SMC2: variants seen among roughly 807,000 people sequenced by gnomAD.
The protein encoded by SMC2 is structural maintenance of chromosomes 2, also known as structural maintenance of chromosomes protein 2.
In SMC2, 41 loss-of-function variants were observed where a neutral mutation model predicts 142.6. The ratio of observed to expected loss-of-function variants is 0.29; its 90% CI spans 0.22 to 0.37. SMC2 has a LOEUF of 0.37. Among genes scored for constraint, SMC2 ranks in the 10% least tolerant of loss-of-function variants. The pLI is 1.00. For missense variants in SMC2, 1,265 were observed against 1,373.7 expected, an observed-to-expected ratio of 0.92 and a Z score of 1.25; for synonymous variants, 463 against 457.5, an observed-to-expected ratio of 1.01 and a Z score of -0.15.
chr9:104,123,075 C>G (rs1379787122), intron 16 of SMC2, 33 bp from the exon 17 acceptor site: 32 of 1,578,058 alleles, frequency 2.0e-5, no homozygotes, highest in Non-Finnish European at 2.3e-5. Context: ...AGAAAAATGA[C>G]AGTCATTTCT....
At chr9:104,103,229 G>T (rs976725502) in intron 9 of SMC2, among the ~76,000 whole-genome samples, 1 of 152,048 alleles carries the variant, frequency 6.6e-6, no homozygotes, top group African/African-American at 2.4e-5. Flanking sequence ...CCAGTAAATT[G>T]TCCTGGAGTC....
intron 1 of SMC2, 128 bp downstream of exon 1, chr9:104,094,605 G>T (rs1043761889): frequency 5.3e-6 from 2 of 379,372 alleles, no homozygotes; most frequent in East Asian, 7.4e-5. Context: ...GGGACCTTAG[G>T]TGATCCTTAG....
At chr9:104,102,266 A>G in intron 8 of SMC2, 73 bp downstream of exon 8, 2 of 1,071,764 alleles carry the variant, frequency 1.9e-6, no homozygotes, top group Non-Finnish European at 1.3e-6. Flanking sequence ...GTAACTATTT[A>G]GGATTCATTG....
At chr9:104,127,181 A>G in intron 19 of SMC2, 105 bp from the exon 20 acceptor site, 3 of 815,898 alleles carry the variant, frequency 3.7e-6, no homozygotes, top group Middle Eastern at 7.5e-4. Flanking sequence ...TCTGCCTGTA[A>G]TCACATTGCC....
At chr9:104,100,258 G>C in intron 6 of SMC2, 55 bp downstream of exon 6, 4 of 1,428,064 alleles carry the variant, frequency 2.8e-6, no homozygotes, top group Non-Finnish European at 9.5e-7. Flanking sequence ...TGCATGTAGA[G>C]TTTTTGCTGT....
At chr9:104,115,373 G>A (rs555385805) in intron 13 of SMC2, among the ~76,000 whole-genome samples, 3 of 151,928 alleles carry the variant, frequency 2.0e-5, no homozygotes, top group Middle Eastern at 3.4e-3. Flanking sequence ...CCAGGAGCTC[G>A]AGACCAGCCT....
chr9:104,118,551 C>T (rs1833383383), intron 15 of SMC2, among the ~76,000 whole-genome samples, 176 bp downstream of exon 15: 1 of 152,104 alleles, frequency 6.6e-6, no homozygotes, highest in Non-Finnish European at 1.5e-5. Context: ...ATTAAACCTG[C>T]CCTTGAAATG....
upstream of SMC2, chr9:104,092,129 G>C (rs1034338498): frequency 2.6e-5 from 4 of 152,138 alleles, no homozygotes; most frequent in Non-Finnish European, 5.9e-5. Context: ...TTAGTCATCA[G>C]TGATTTCCTC....
intron 9 of SMC2, among the ~76,000 whole-genome samples, chr9:104,108,867 C>T (rs1403109401): frequency 2.0e-5 from 3 of 152,180 alleles, no homozygotes; most frequent in African/African-American, 7.2e-5. Flanking sequence ...GCAGCTTGCC[C>T]TGGGTTTATA....
At chr9:104,092,423 T>A (rs557041358), upstream of SMC2, 1 of 152,350 alleles carries the variant, frequency 6.6e-6, no homozygotes, top group South Asian at 2.1e-4. Flanking sequence ...AAAAATCACT[T>A]TATTTCACAA....
At position 104,098,442 on chromosome 9, in the gene SMC2, A is replaced by G. The variant is rs372132522; in HGVS notation, c.319-4A>G. ...AATATTTAAAAAATTGCTTTCTTTTATAGGTGGTTATTGGTGGTAGAAATA... is the reference window on the plus strand; with the variant it reads ...AATATTTAAAAAATTGCTTTCTTTTGTAGGTGGTTATTGGTGGTAGAAATA... On this transcript the variant is annotated splice_region_variant and splice_polypyrimidine_tract_variant and intron_variant, in intron 3 of 24. Transcript: ENST00000374793. 5.7e-6 allele frequency: 9 copies of G among 1,578,046 alleles called. No homozygotes were observed. In the Admixed American group the frequency reaches 7.8e-5, roughly 14 times the overall value.
intron 14 of SMC2, 62 bp downstream of exon 14, chr9:104,116,381 A>G (rs1007541647): frequency 2.0e-6 from 3 of 1,472,772 alleles, no homozygotes; most frequent in African/African-American, 2.9e-5. Flanking sequence ...TTAAGTTAGA[A>G]GACATTAATT....
Position 104,099,641 on chromosome 9 carries a change from C to T in SMC2, c.442-3C>T, listed in dbSNP as rs12340382. ...CTTAGTAAGTTTGCTATTTTATTTTCAGGGCCGAATTACAAAAGTATTGAA... is the reference window on the plus strand; with the variant it reads ...CTTAGTAAGTTTGCTATTTTATTTTTAGGGCCGAATTACAAAAGTATTGAA... On this transcript the variant is annotated splice_polypyrimidine_tract_variant and splice_region_variant and intron_variant, in intron 4 of 24. Coordinates refer to ENST00000374793, the MANE Select transcript of SMC2 (RefSeq NM_006444.3). 13 of 1,563,044 alleles carry T rather than the reference C, an allele frequency of 8.3e-6. No homozygotes were observed. In the African/African-American group the frequency reaches 1.1e-4, roughly 13 times the overall value.
rs750097797 is a variant in SMC2 at position 104,127,331 on chromosome 9, G to T, written c.2641G>T (p.Val881Leu). ...AGAAGAGGTGACCAAGCAAAAAGAGGTGATAACAGCCCAAGACACTGTAAT... is the reference window on the plus strand; with the variant it reads ...AGAAGAGGTGACCAAGCAAAAAGAGTTGATAACAGCCCAAGACACTGTAAT... The part of the protein sequence containing the change: ...AQEEVTKQKE[V>L]ITAQDTVIKA... The change falls in exon 20 of 25, where the codon GTG becomes TTG. Residue 881 changes from valine to leucine, a missense_variant. Around this residue, in one of 4 missense-constraint regions of SMC2, gnomAD observed 898 missense variants for 904.2 expected, o/e 0.99. Transcript: ENST00000374793. The T allele has an allele frequency of 1.2e-6, 2 of 1,605,230 alleles. No homozygotes were observed. The highest frequency in any genetic ancestry group is 1.1e-5 in the South Asian group (1 of 89,544).
intron 9 of SMC2, among the ~76,000 whole-genome samples, chr9:104,109,142 A>G (rs1220606358): frequency 1.3e-5 from 2 of 152,204 alleles, no homozygotes. Context: ...CCAGCTACTT[A>G]ATTAACATTT....
At chr9:104,094,888 C>G (rs1459102130) in intron 1 of SMC2, 1 of 110,636 alleles carries the variant, frequency 9.0e-6, no homozygotes, top group Non-Finnish European at 1.8e-5. Context: ...AAAAAGAAAG[C>G]CGAGTGAAGG....
intron 19 of SMC2, 39 bp downstream of exon 19, chr9:104,126,823 G>C (rs199814260): frequency 4.5e-6 from 7 of 1,560,592 alleles, no homozygotes; most frequent in Non-Finnish European, 6.1e-6. Context: ...TTGAAAATGC[G>C]AATCTTTTTA....
chr9:104,105,040 C>T (rs892178088), intron 9 of SMC2, among the ~76,000 whole-genome samples: 5 of 152,212 alleles, frequency 3.3e-5, no homozygotes, highest in African/African-American at 1.2e-4. Flanking sequence ...CTAGATACAG[C>T]AGGAAGTGTT....
At position 104,139,652 on chromosome 9, in the gene SMC2, A is replaced by G. The variant is rs1485571460; in HGVS notation, c.*337A>G. ...GCAGATTAAATTACATGATAAATGT[A>G]GCTGATCATCAGTGTTTAATTGATT... On this transcript the variant is annotated 3_prime_UTR_variant, in exon 25 of 25. Transcript: ENST00000374793. 1 of 181,594 alleles carries G rather than the reference A, an allele frequency of 5.5e-6. No homozygotes were observed. Among genetic ancestry groups the G allele is most frequent in the Non-Finnish European group, 1.1e-5 (1 of 88,862 alleles). 11.2% of individuals were successfully genotyped at this position (181,594 alleles called of 1,614,324 possible). A position where few individuals can be genotyped will look rare whatever the true frequency, so the allele number is the denominator to read the frequency against.
Sources: allele counts gnomAD v4.1 joint callset (sites outside exome capture counted in the v4.1 genomes callset), GRCh38; gene constraint gnomAD v4.1.1; regional missense constraint gnomAD v4.1.1; transcripts MANE v1.5; gene names NCBI Gene and HGNC (gene_info 2026-07-23, HGNC 2026-07-21).